The following COMMD3 variants were observed in gnomAD, a reference collection of about 807,000 sequenced individuals.
COMMD3 encodes COMM domain-containing protein 3.
In COMMD3, 31 loss-of-function variants were observed where a neutral mutation model predicts 31.2. The observed-to-expected ratio is 0.99, with a 90% CI of 0.75 to 1.34. COMMD3 has a LOEUF of 1.34. Ranked by LOEUF, COMMD3 falls within the 40% of genes most tolerant of loss-of-function variation. COMMD3 has a pLI of 0.00. For synonymous variants in COMMD3, 108 were observed against 87.3 expected, an observed-to-expected ratio of 1.24 and a Z score of -1.32; for missense variants, 274 against 236.9, an observed-to-expected ratio of 1.16 and a Z score of -1.03.
chr10:22,318,974 T>C lies in COMMD3; in HGVS notation c.484T>C (p.Ser162Pro). ...TLSVQNTDSP[S>P]YPEISFSCSM... ...CCTGCCCTAGAACACTGATTCCCCA[T>C]CCTATCCAGAGATTAGTTTTAGTTG... The change falls in exon 7 of 8, where the codon TCC (serine) becomes CCC (proline). Residue 162 changes from serine (S) to proline (P), a missense_variant. By Grantham distance (74) the Ser-to-Pro change is moderately conservative. Coordinates refer to ENST00000376836, the MANE Select transcript of COMMD3 (RefSeq NM_012071.4). 6.2e-7 allele frequency: 1 copy of C among 1,612,994 alleles called. No homozygotes were observed. Among genetic ancestry groups the C allele is most frequent in the African/African-American group, 1.3e-5 (1 of 74,928 alleles).
intron 1 of COMMD3, 53 bp from the exon 2 acceptor site, chr10:22,317,831 T>G (rs756442192): frequency 5.0e-6 from 8 of 1,588,292 alleles, no homozygotes; most frequent in Non-Finnish European, 6.0e-6. Context: ...TTTTGGAACA[T>G]GACTGTAAAG....
rs753671938 is a variant in COMMD3, at chr10:22,318,323, G to A, written c.350+17G>A. 18 of 1,588,860 alleles carry A rather than the reference G, an allele frequency of 1.1e-5. No individual in the cohort carries two copies. The South Asian group carries it at 2.0e-4, about 18-fold the overall frequency. ...ACTGGGAAGGTAGGTACTGTATAAG[G>A]TGTCAAGCTGAGGCACTTTTCACTT... On this transcript the variant is annotated intron_variant, in intron 4 of 7. Transcript: ENST00000376836.
At chr10:22,319,724 T>C in intron 7 of COMMD3, 1 of 544,826 alleles carries the variant, frequency 1.8e-6, no homozygotes, top group African/African-American at 1.9e-5. Flanking sequence ...GAAATCATGT[T>C]TCAGTGTGAG....
At chr10:22,317,847 A>T (rs778863839) in intron 1 of COMMD3, 37 bp from the exon 2 acceptor site, 1 of 1,602,434 alleles carries the variant, frequency 6.2e-7, no homozygotes, top group South Asian at 1.1e-5. Flanking sequence ...TAAAGAATTT[A>T]TTATCATAGG....
chr10:22,317,409 A>G (rs1362141503), intron 1 of COMMD3: 1 of 152,390 alleles, frequency 6.6e-6, no homozygotes, highest in Admixed American at 6.5e-5. Context: ...AAGTACTAAT[A>G]TAATTTTGAA....
rs1453252955 is a variant in COMMD3 at position 22,316,486 on chromosome 10, C to T, written c.69C>T (p.Asn23=). The T allele has an allele frequency of 6.4e-7, 1 of 1,550,664 alleles. No homozygotes were observed. The highest frequency in any genetic ancestry group is 8.7e-7 in the Non-Finnish European group (1 of 1,146,754). The change falls in exon 1 of 8, where the codon AAC becomes AAT. Residue 23 remains asparagine, a synonymous_variant. Coordinates refer to ENST00000376836, the MANE Select transcript of COMMD3 (RefSeq NM_012071.4). ...CGGATCCCCGCTCCTTCGACTCCAACGCCTTCACGCTTCTCCTCCGGGCGG... is the reference window on the plus strand; with the variant it reads ...CGGATCCCCGCTCCTTCGACTCCAATGCCTTCACGCTTCTCCTCCGGGCGG... ...MLADPRSFDS[N]AFTLLLRAAF...
intron 1 of COMMD3, 132 bp from the exon 2 acceptor site, chr10:22,317,752 A>C: frequency 1.2e-6 from 1 of 805,522 alleles, no homozygotes; most frequent in South Asian, 2.1e-5. Context: ...TTTACTTATA[A>C]TTGACTGTCC....
rs140818298 is a variant in COMMD3, at chr10:22,316,442, A to G, written c.25A>G (p.Lys9Glu). ...AATGGAGCTCTCGGAGTCTGTGCAG[A>G]AAGGCTTCCAGATGCTGGCGGATCC... MELSESVQ[K>E]GFQMLADPRS... is the part of the protein sequence containing the mutation. Residue 9 changes from lysine (K) to glutamate (E), a missense_variant, in exon 1 of 8, where the codon AAA becomes GAA. Lys to Glu is a moderately conservative substitution (Grantham distance 56). Coordinates refer to ENST00000376836, the MANE Select transcript of COMMD3 (RefSeq NM_012071.4). 2.1e-4 allele frequency: 318 copies of G among 1,550,968 alleles called. No homozygotes were observed. Among genetic ancestry groups the G allele is most frequent in the Non-Finnish European group, 2.6e-4 (303 of 1,146,926 alleles).
At position 22,318,306 on chromosome 10, in the gene COMMD3, G is replaced by T; in HGVS notation, c.350G>T (p.Ser117Ile). Reference protein sequence around the residue: ...NKNSLEILLGSIGRSLPHITD... With the variant: ...NKNSLEILLGIIGRSLPHITD... ...AATTCCCTAGAAATCCTACTGGGAA[G>T]GTAGGTACTGTATAAGGTGTCAAGC... Residue 117 changes from serine (S) to isoleucine (I), a missense_variant and splice_region_variant, in exon 4 of 8, where the codon AGT becomes ATT. Transcript: ENST00000376836. The T allele has an allele frequency of 6.2e-7, 1 of 1,602,736 alleles. No individual in the cohort carries two copies. The highest frequency in any genetic ancestry group is 8.5e-7 in the Non-Finnish European group (1 of 1,177,140).
rs1264132880 is a variant in COMMD3, at chr10:22,320,188, A to C, written c.*190A>C. ...GGGTTAAGAGGGAAAGATACTGCCC[A>C]AGTATTTGAATCGTTTAGTAGTAAC... is the stretch of plus-strand genomic sequence containing the variant. On this transcript the variant is annotated 3_prime_UTR_variant, in exon 8 of 8. Transcript: ENST00000376836. The C allele has an allele frequency of 1.4e-6, 2 of 1,443,118 alleles. No homozygotes were observed. Among genetic ancestry groups the C allele is most frequent in the Non-Finnish European group, 1.8e-6 (2 of 1,084,082 alleles). 89.4% of individuals were successfully genotyped at this position (1,443,118 alleles called of 1,614,324 possible). A position where few individuals can be genotyped will look rare whatever the true frequency, so the allele number is the denominator to read the frequency against.
In COMMD3 at chr10:22,320,277, C is replaced by T. The variant is rs1181966832; in HGVS notation, c.*279C>T. The T allele has an allele frequency of 9.1e-6, 6 of 659,252 alleles. No homozygotes were observed. The East Asian group carries it at 2.4e-4, about 26-fold the overall frequency. 40.8% of individuals were successfully genotyped at this position (659,252 alleles called of 1,614,324 possible). On this transcript the variant is annotated 3_prime_UTR_variant, in exon 8 of 8. Transcript: ENST00000376836. ...GAAAGGAAGTAGACAGTATTACACC[C>T]TGAATAAATAAGGTGTTGTTTTCCA...
chr10:22,318,922 C>T (rs781359198), intron 6 of COMMD3, 37 bp from the exon 7 acceptor site: 1 of 1,611,554 alleles, frequency 6.2e-7, no homozygotes, highest in Non-Finnish European at 8.5e-7. Flanking sequence ...TTTAAATAAA[C>T]AGCGTTTCTT....
At chr10:22,316,808 C>T (rs543076405) in intron 1 of COMMD3, 3 of 395,122 alleles carry the variant, frequency 7.6e-6, no homozygotes, top group East Asian at 5.1e-5. Flanking sequence ...CTCCCAGTCT[C>T]TTTGTTCTTT....
In COMMD3 at chr10:22,320,219, A is replaced by C; in HGVS notation, c.*221A>C. On this transcript the variant is annotated 3_prime_UTR_variant, in exon 8 of 8. Transcript: ENST00000376836. ...TTGAATCGTTTAGTAGTAACTGTCCATTTATCCTATTTTGATCTTTTTCAA... is the reference window on the plus strand; with the variant it reads ...TTGAATCGTTTAGTAGTAACTGTCCCTTTATCCTATTTTGATCTTTTTCAA... The C allele has an allele frequency of 8.1e-7, 1 of 1,235,232 alleles. No individual in the cohort carries two copies. The highest frequency in any genetic ancestry group is 1.1e-6 in the Non-Finnish European group (1 of 919,736). The allele number at this position is 1,235,232 out of a possible 1,614,324, so 76.5% of individuals were successfully genotyped here.
Position 22,320,074 on chromosome 10 carries a change from T to G in COMMD3, c.*76T>G. 1 of 1,613,454 alleles carries G rather than the reference T, an allele frequency of 6.2e-7. No individual in the cohort carries two copies. The highest frequency in any genetic ancestry group is 8.5e-7 in the Non-Finnish European group (1 of 1,179,618). On this transcript the variant is annotated 3_prime_UTR_variant, in exon 8 of 8. Coordinates refer to ENST00000376836, the MANE Select transcript of COMMD3 (RefSeq NM_012071.4). ...TTGCCTTCAGCTGAACCACCGTTTG[T>G]GCGAGCTGGATGTCCTTTTCAGTAG...
At chr10:22,316,731 C>T (rs749102224) in intron 1 of COMMD3, 175 bp downstream of exon 1, 7 of 1,215,042 alleles carry the variant, frequency 5.8e-6, no homozygotes, top group Non-Finnish European at 7.5e-6. Context: ...GGAGCAGACT[C>T]TGAGCATTGT....
In COMMD3 at chr10:22,318,815, C is replaced by A. The variant is rs1415551764; in HGVS notation, c.421C>A (p.Leu141Ile). 1 of 1,613,984 alleles carries A rather than the reference C, an allele frequency of 6.2e-7. No homozygotes were observed. The highest frequency in any genetic ancestry group is 1.7e-5 in the Admixed American group (1 of 60,036). ...TGTTGTGTTATTTTAGACCAATCAA[C>A]TTCATAGGATGTACAGACCTGCATA... Reference protein sequence around the residue: ...RLEYQIKTNQLHRMYRPAYLV... With the variant: ...RLEYQIKTNQIHRMYRPAYLV... The change falls in exon 6 of 8, where the codon CTT becomes ATT. Residue 141 changes from leucine (L) to isoleucine (I), a missense_variant. Coordinates refer to ENST00000376836, the MANE Select transcript of COMMD3 (RefSeq NM_012071.4).
At chr10:22,318,339 CT>C in intron 4 of COMMD3, 33 bp downstream of exon 4, 1 of 1,578,686 alleles carries the variant, frequency 6.3e-7, no homozygotes, top group Non-Finnish European at 8.5e-7. Flanking sequence ...AGCTGAGGCA[CT>C]TTTCACTTGC....
intron 1 of COMMD3, chr10:22,316,804 G>A (rs902948642): frequency 1.5e-4 from 62 of 414,996 alleles, no homozygotes; most frequent in African/African-American, 1.2e-3. Context: ...TTCCCTCCCA[G>A]TCTCTTTGTT....
Sources: gnomAD v4.1 joint callset for allele counts on GRCh38, gnomAD v4.1.1 for gene constraint, MANE v1.5 for transcripts, NCBI Gene and HGNC (gene_info 2026-07-23, HGNC 2026-07-21) for gene names.